Variants in CAB39L observed in about 807,000 individuals in gnomAD.
CAB39L encodes the protein calcium-binding protein 39-like.
CAB39L carries 23 observed loss-of-function variants against 39.1 expected under a neutral mutation model. The ratio of observed to expected loss-of-function variants is 0.59; its 90% CI spans 0.42 to 0.83. The LOEUF is 0.83. Ranked by LOEUF, CAB39L falls within the 40% of genes least tolerant of loss-of-function variation. The pLI is 0.00. For missense variants in CAB39L, 366 were observed against 391.9 expected, an observed-to-expected ratio of 0.93 and a Z score of 0.56; for synonymous variants, 126 against 137.2, an observed-to-expected ratio of 0.92 and a Z score of 0.57.
rs187594606 is a variant in CAB39L, at chr13:49,323,046, A to C, written c.834+8901T>G. On this transcript the variant is annotated intron_variant, in intron 10 of 10. Coordinates refer to ENST00000409308, the MANE Select transcript of CAB39L (RefSeq NM_001079670.3). ...TCTTTCCACATAGGTCTTGTTTTCC[A>C]AATAGCTCAATCATTTCTGTGGCTT... is the stretch of plus-strand genomic sequence containing the variant. Among the ~76,000 whole-genome samples, 156 of 152,282 alleles carry C rather than the reference A, an allele frequency of 1.0e-3. 1 individual carries two copies. The highest frequency in any genetic ancestry group is 3.6e-3 in the African/African-American group (150 of 41,570).
At chr13:49,311,115 T>G (rs1953975733) in intron 10 of CAB39L, 122 bp from the exon 11 acceptor site, 1 of 772,732 alleles carries the variant, frequency 1.3e-6, no homozygotes, top group Admixed American at 2.4e-5. Context: ...ATATTATTAA[T>G]GCGTAGAAGC....
At chr13:49,338,693 C>T (rs1000408587) in intron 9 of CAB39L, among the ~76,000 whole-genome samples, 1 of 152,064 alleles carries the variant, frequency 6.6e-6, no homozygotes, top group Non-Finnish European at 1.5e-5. Flanking sequence ...AGCAAAATTT[C>T]GTATATGCGA....
intron 3 of CAB39L, among the ~76,000 whole-genome samples, chr13:49,416,861 A>G (rs905616276): frequency 1.3e-5 from 2 of 152,220 alleles, no homozygotes; most frequent in Non-Finnish European, 2.9e-5. Flanking sequence ...GGAAAAACAC[A>G]CACTGAGAAT....
chr13:49,390,281 C>T (rs1956459506), intron 3 of CAB39L, among the ~76,000 whole-genome samples: 1 of 152,148 alleles, frequency 6.6e-6, no homozygotes, highest in Admixed American at 6.5e-5. Context: ...CAAGTTCTTG[C>T]TCTGTCACCT....
intron 6 of CAB39L, among the ~76,000 whole-genome samples, chr13:49,357,182 T>A (rs967318257): frequency 6.6e-6 from 1 of 152,198 alleles, no homozygotes; most frequent in Non-Finnish European, 1.5e-5. Context: ...CTTAAAGGTA[T>A]ATTAATGGTA....
chr13:49,417,458 C>A (rs150939002), intron 3 of CAB39L, among the ~76,000 whole-genome samples: 1 of 152,182 alleles, frequency 6.6e-6, no homozygotes, highest in African/African-American at 2.4e-5. Flanking sequence ...AACTATTTAA[C>A]ACTACTGTAC....
intron 10 of CAB39L, among the ~76,000 whole-genome samples, chr13:49,315,210 C>T (rs1954121226): frequency 6.6e-6 from 1 of 152,136 alleles, no homozygotes; most frequent in African/African-American, 2.4e-5. Context: ...AATACAGAAC[C>T]CTCTCTGGGA....
chr13:49,385,834 A>G (rs1002714518), intron 3 of CAB39L, among the ~76,000 whole-genome samples: 22 of 152,222 alleles, frequency 1.4e-4, no homozygotes, highest in Admixed American at 6.5e-4. Flanking sequence ...TTAACATCAG[A>G]GATCACTGAT....
At chr13:49,435,244 G>A (rs901689416) in intron 1 of CAB39L, among the ~76,000 whole-genome samples, 6 of 152,158 alleles carry the variant, frequency 3.9e-5, no homozygotes, top group Non-Finnish European at 8.8e-5. Flanking sequence ...ATGCACCTTA[G>A]TTTATGCAAT....
intron 1 of CAB39L, among the ~76,000 whole-genome samples, chr13:49,435,481 T>G (rs767603356): frequency 3.9e-5 from 6 of 152,212 alleles, no homozygotes; most frequent in Non-Finnish European, 7.4e-5. Context: ...ATTTATATTT[T>G]TCTTTGTATG....
intron 3 of CAB39L, among the ~76,000 whole-genome samples, chr13:49,430,786 C>A (rs1290502469): frequency 6.6e-6 from 1 of 152,286 alleles, no homozygotes; most frequent in East Asian, 1.9e-4. Context: ...CTAAGGCTAT[C>A]TTTGCTGATG....
chr13:49,321,955 G>A (rs1056672456), intron 10 of CAB39L, among the ~76,000 whole-genome samples: 12 of 151,950 alleles, frequency 7.9e-5, no homozygotes, highest in East Asian at 3.8e-4. Flanking sequence ...TATATCTCAC[G>A]GAGTTTTTAA....
At chr13:49,329,560 T>A (rs1299398986) in intron 10 of CAB39L, among the ~76,000 whole-genome samples, 3,762 of 18,130 alleles carry the variant, frequency 0.21, 489 homozygotes, top group East Asian at 0.4. Context: ...TATATATATA[T>A]ATATATATAT....
intron 5 of CAB39L, among the ~76,000 whole-genome samples, chr13:49,371,179 C>T (rs1349096334): frequency 7.5e-5 from 10 of 133,050 alleles, no homozygotes; most frequent in Admixed American, 1.5e-4. Flanking sequence ...TTTTCTTTTT[C>T]TTTTTCTTTC....
chr13:49,385,377 T>A (rs778397792), intron 3 of CAB39L, among the ~76,000 whole-genome samples: 2 of 152,256 alleles, frequency 1.3e-5, no homozygotes, highest in African/African-American at 4.8e-5. Flanking sequence ...TGTGTCTGGT[T>A]TGATCTTCTA....
intron 1 of CAB39L, among the ~76,000 whole-genome samples, chr13:49,434,436 CAA>C (rs1367804089): frequency 6.6e-6 from 1 of 152,166 alleles, no homozygotes; most frequent in Non-Finnish European, 1.5e-5. Context: ...CCATATAACA[CAA>C]ACTCTATTAT....
intron 3 of CAB39L, among the ~76,000 whole-genome samples, chr13:49,397,234 C>T (rs1329635803): frequency 1.3e-5 from 2 of 152,044 alleles, no homozygotes; most frequent in Non-Finnish European, 2.9e-5. Context: ...ATGAGTGAAA[C>T]AATAAAGTAT....
chr13:49,382,984 A>G, intron 3 of CAB39L, 43 bp from the exon 4 acceptor site: 2 of 767,028 alleles, frequency 2.6e-6, no homozygotes, highest in African/African-American at 3.5e-5. Context: ...TTTAACTCTT[A>G]ATATGCTTAA....
Position 49,382,893 on chromosome 13 carries a change from C to A in CAB39L, c.18G>T (p.Leu6Phe). ...CTGGATTTTTGTGTGATTTACTAAACAAAGGCATTTTTTTCATGTGTAGAA... is the reference window on the plus strand; with the variant it reads ...CTGGATTTTTGTGTGATTTACTAAAAAAAGGCATTTTTTTCATGTGTAGAA... MKKMP[L>F]FSKSHKNPAE... is the part of the protein sequence containing the mutation. The change falls in exon 4 of 11, where the codon TTG (leucine) becomes TTT (phenylalanine). Residue 6 changes from leucine to phenylalanine, a missense_variant. Physicochemically the swap from Leu to Phe is conservative, Grantham distance 22. Coordinates refer to ENST00000409308, the MANE Select transcript of CAB39L (RefSeq NM_001079670.3). The A allele has an allele frequency of 6.2e-7, 1 of 1,607,166 alleles. No homozygotes were observed. The highest frequency in any genetic ancestry group is 2.2e-5 in the East Asian group (1 of 44,618).
Sources: gnomAD v4.1 joint callset for allele counts (sites outside exome capture counted in the v4.1 genomes callset) on GRCh38, gnomAD v4.1.1 for gene constraint, MANE v1.5 for transcripts, NCBI Gene and HGNC (gene_info 2026-07-23, HGNC 2026-07-21) for gene names.